CASK: variants seen among roughly 807,000 people sequenced by gnomAD.
CASK encodes the protein peripheral plasma membrane protein CASK.
Under a neutral mutation model 82.9 loss-of-function variants are expected in CASK, and 4 were observed. The ratio of observed to expected loss-of-function variants is 0.05; its 90% CI spans 0.02 to 0.11. The LOEUF (loss-of-function observed/expected upper bound fraction) is 0.11. CASK is among the 10% of genes least tolerant of loss of function. CASK has a pLI of 1.00. For missense variants in CASK, 358 were observed against 720.9 expected (o/e 0.50, Z 5.76); for synonymous variants, 259 against 253.5 (o/e 1.02, Z -0.20).
chrX:41,523,852 C>A, intron 26 of CASK, 99 bp downstream of exon 26: 1 of 634,732 alleles, frequency 1.6e-6, no homozygotes, highest in Non-Finnish European at 2.6e-6. Context: ...TTCATCAGAG[C>A]AGCCTTGCTG....
chrX:41,907,379 C>T (rs1292180380), intron 1 of CASK, among the ~76,000 whole-genome samples: 3 of 111,908 alleles, frequency 2.7e-5, no homozygotes, highest in Non-Finnish European at 5.6e-5. Context: ...CTATACTTCC[C>T]TCAGTGATAT....
At position 41,858,151 on chromosome X, in the gene CASK, C is replaced by T. The variant is rs760550225; in HGVS notation, c.60-4924G>A. 4.5e-5 allele frequency among the ~76,000 whole-genome samples: 5 copies of T among 111,579 alleles called. No homozygotes were observed. In the South Asian group the frequency reaches 1.5e-3, roughly 34 times the overall value. On this transcript the variant is annotated intron_variant, in intron 1 of 26. Coordinates refer to ENST00000378163, the MANE Select transcript of CASK (RefSeq NM_001367721.1). ...TGGAGACAGCAAATAGGAGATCCAA[C>T]ACAGAAGAGAGATGAAGGGAATCCC...
intron 4 of CASK, among the ~76,000 whole-genome samples, chrX:41,741,415 T>C (rs946216148): frequency 1.8e-5 from 2 of 112,083 alleles, no homozygotes; most frequent in Non-Finnish European, 3.8e-5. Flanking sequence ...GATGTCAACA[T>C]GGAAATACTG....
intron 1 of CASK, among the ~76,000 whole-genome samples, chrX:41,897,580 A>G (rs779233215): frequency 2.7e-5 from 3 of 111,778 alleles, no homozygotes; most frequent in Non-Finnish European, 5.7e-5. Context: ...AAAGTCATGT[A>G]GTTGATGAAT....
chrX:41,739,523 T>C, intron 4 of CASK, 67 bp from the exon 5 acceptor site: 1 of 695,389 alleles, frequency 1.4e-6, no homozygotes, highest in Non-Finnish European at 2.3e-6. Flanking sequence ...TATACAGTGC[T>C]CCTAGTTTAT....
At chrX:41,549,947 G>A (rs1353060981) in intron 21 of CASK, among the ~76,000 whole-genome samples, 1 of 109,997 alleles carries the variant, frequency 9.1e-6, no homozygotes, top group African/African-American at 3.3e-5. Context: ...ATCACTTGAG[G>A]TCAGGAGCTT....
intron 15 of CASK, chrX:41,570,818 T>C (rs1022625281): frequency 8.9e-6 from 1 of 112,148 alleles, no homozygotes; most frequent in Non-Finnish European, 1.9e-5. Flanking sequence ...TATGGACATA[T>C]CAGTTTATCC....
rs1265501156 is a variant in CASK, at chrX:41,923,228, C to A, written c.-240G>T. The A allele has an allele frequency of 9.4e-6, 1 of 106,263 alleles. No homozygotes were observed. Among genetic ancestry groups the A allele is most frequent in the Non-Finnish European group, 2.0e-5 (1 of 50,880 alleles). The allele number at this position is 106,263 out of a possible 1,213,427, so 8.8% of individuals were successfully genotyped here. The stretch of plus-strand genomic sequence containing the variant: ...GGGAGCGAGGGCGGCCCGGGCCCGG[C>A]GCCGCCCGCCCGCCCGCTGCTTCTC... On this transcript the variant is annotated 5_prime_UTR_variant, in exon 1 of 27. Coordinates refer to ENST00000378163, the MANE Select transcript of CASK (RefSeq NM_001367721.1).
intron 1 of CASK, among the ~76,000 whole-genome samples, chrX:41,905,356 C>T (rs952464940): frequency 1.8e-5 from 2 of 112,080 alleles, no homozygotes; most frequent in Non-Finnish European, 3.8e-5. Context: ...TTCCCACCAA[C>T]GTACGAGAGA....
At chrX:41,537,550 T>A in intron 22 of CASK, among the ~76,000 whole-genome samples, 1 of 110,913 alleles carries the variant, frequency 9.0e-6, no homozygotes, top group African/African-American at 3.3e-5. Context: ...AAAATAAAAG[T>A]ATAATATGTA....
chrX:41,698,353 T>G (rs1422471370), intron 5 of CASK, among the ~76,000 whole-genome samples: 1 of 111,845 alleles, frequency 8.9e-6, no homozygotes, highest in Non-Finnish European at 1.9e-5. Context: ...GAGCAAACTC[T>G]GCAATTTTCA....
intron 5 of CASK, chrX:41,727,198 G>A (rs1243882373): frequency 8.3e-7 from 1 of 1,204,094 alleles, no homozygotes; most frequent in Non-Finnish European, 1.1e-6. Context: ...GTCACACCTT[G>A]TGACTGCAAA....
chrX:41,752,435 C>A (rs2068813028), intron 3 of CASK, among the ~76,000 whole-genome samples: 2 of 109,988 alleles, frequency 1.8e-5, no homozygotes, highest in South Asian at 4.0e-4. Flanking sequence ...GGATTACAGG[C>A]GCACACCTCA....
chrX:41,747,303 C>G (rs2068702637), intron 3 of CASK, among the ~76,000 whole-genome samples: 1 of 111,251 alleles, frequency 9.0e-6, no homozygotes, highest in Non-Finnish European at 1.9e-5. Context: ...CTAGTCTACT[C>G]CCTAGTATGG....
At chrX:41,773,017 C>A (rs1172979167) in intron 3 of CASK, among the ~76,000 whole-genome samples, 1 of 111,113 alleles carries the variant, frequency 9.0e-6, no homozygotes, top group Admixed American at 9.6e-5. Context: ...ATCAATCAAT[C>A]AATAGAACAA....
chrX:41,782,914 G>A (rs1303741052), intron 3 of CASK, among the ~76,000 whole-genome samples: 1 of 112,056 alleles, frequency 8.9e-6, no homozygotes, highest in African/African-American at 3.2e-5. Context: ...GGAGGCTGAG[G>A]AGGGTTGATC....
chrX:41,891,582 T>A (rs2072171494), intron 1 of CASK, among the ~76,000 whole-genome samples: 1 of 111,998 alleles, frequency 8.9e-6, no homozygotes, highest in Middle Eastern at 4.6e-3. Context: ...TGAAGAGATA[T>A]CTGTAGACTT....
chrX:41,881,870 C>T (rs952743071), intron 1 of CASK, among the ~76,000 whole-genome samples: 13 of 111,416 alleles, frequency 1.2e-4, no homozygotes, highest in Non-Finnish European at 2.1e-4. Context: ...CTACACAGTT[C>T]GGACTTTGGA....
intron 8 of CASK, among the ~76,000 whole-genome samples, chrX:41,655,909 G>A (rs752895671): frequency 9.0e-6 from 1 of 111,706 alleles, no homozygotes; most frequent in East Asian, 2.8e-4. Context: ...AGTCACCAGT[G>A]GCCTGGTCAC....
Sources: allele counts gnomAD v4.1 joint callset (sites outside exome capture counted in the v4.1 genomes callset), GRCh38; gene constraint gnomAD v4.1.1; transcripts MANE v1.5; gene names NCBI Gene and HGNC (gene_info 2026-07-23, HGNC 2026-07-21).